Variants in SPDYE21 observed in about 807,000 individuals in gnomAD.
SPDYE21 encodes speedy protein E21.
In SPDYE21, 14 loss-of-function variants were observed where a neutral mutation model predicts 36.2. The ratio of observed to expected loss-of-function variants is 0.39; its 90% CI spans 0.26 to 0.61. The LOEUF is 0.61. SPDYE21 is among the 20% of genes least tolerant of loss of function. The pLI, the probability that SPDYE21 is intolerant of heterozygous loss-of-function variation, is 0.55. For missense variants in SPDYE21, 233 were observed against 424.6 expected (o/e 0.55, Z 3.97); for synonymous variants, 58 against 155.1 (o/e 0.37, Z 4.65).
At chr7:67,278,977 C>T (rs4718511) in intron 2 of SPDYE21, among the ~76,000 whole-genome samples, 104 bp downstream of exon 2, 906 of 117,864 alleles carry the variant, frequency 7.7e-3, no homozygotes, top group South Asian at 0.013. Context: ...TTTGGGAGGC[C>T]GAGGCGGGCG....
chr7:67,277,455 G>A (rs1339268440), intron 1 of SPDYE21, among the ~76,000 whole-genome samples: 2 of 151,912 alleles, frequency 1.3e-5, no homozygotes, highest in African/African-American at 4.8e-5. Context: ...TTGCTGTGTT[G>A]CCCAGACTGG....
At chr7:67,279,733 A>G in intron 2 of SPDYE21, 85 bp from the exon 3 acceptor site, 1 of 1,592,468 alleles carries the variant, frequency 6.3e-7, no homozygotes, top group Non-Finnish European at 8.5e-7. Flanking sequence ...GCTGGGGAGG[A>G]TGGAGAGTGG....
At position 67,288,976 on chromosome 7, in the gene SPDYE21, G is replaced by T. The variant is rs1181066493; in HGVS notation, c.*1504G>T. ...TCTCTTGGGGAAACATAATAAAAAT[G>T]AACTTTTCTCACCTTCACAGCAATT... On this transcript the variant is annotated 3_prime_UTR_variant, in exon 9 of 9. Coordinates refer to ENST00000424157, the MANE Select transcript of SPDYE21 (RefSeq NM_001382715.2). 2.9e-5 allele frequency among the ~76,000 whole-genome samples: 4 copies of T among 139,434 alleles called. No individual in the cohort carries two copies. Among genetic ancestry groups the T allele is most frequent in the African/African-American group, 8.2e-5 (3 of 36,778 alleles). The allele number at this position is 139,434 out of a possible 152,430, so 91.5% of individuals were successfully genotyped here.
rs1052877436 is a variant in SPDYE21 at position 67,288,822 on chromosome 7, T to G, written c.*1350T>G. ...AAATTTTTATTTGATATTTCATATATATTTGAAATGTGAGAATTCAGATGT... is the reference window on the plus strand; with the variant it reads ...AAATTTTTATTTGATATTTCATATAGATTTGAAATGTGAGAATTCAGATGT... On this transcript the variant is annotated 3_prime_UTR_variant, in exon 9 of 9. Transcript: ENST00000424157. 1.3e-5 allele frequency among the ~76,000 whole-genome samples: 2 copies of G among 150,334 alleles called. No individual in the cohort carries two copies. The highest frequency in any genetic ancestry group is 6.7e-5 in the Admixed American group (1 of 14,866).
rs1802601181 is a variant in SPDYE21, at chr7:67,279,845, G to A, written c.188G>A (p.Cys63Tyr). ...CCTGGGGTAGATCCCAGCCCCCCATGTAGGTCCCTTGGCTGGAAAAGGAAG... is the reference window on the plus strand; with the variant it reads ...CCTGGGGTAGATCCCAGCCCCCCATATAGGTCCCTTGGCTGGAAAAGGAAG... ...SAPGVDPSPP[C>Y]RSLGWKRKKE... The change falls in exon 3 of 9, where the codon TGT (cysteine) becomes TAT (tyrosine). Residue 63 changes from cysteine to tyrosine, a missense_variant. This residue lies in a region of SPDYE21 where 68 missense variants were observed against 87.6 expected (regional missense o/e 0.78). Coordinates refer to ENST00000424157, the MANE Select transcript of SPDYE21 (RefSeq NM_001382715.2). The A allele has an allele frequency of 4.4e-6, 7 of 1,593,602 alleles. No individual in the cohort carries two copies. The South Asian group carries it at 7.7e-5, about 18-fold the overall frequency.
intron 2 of SPDYE21, 117 bp from the exon 3 acceptor site, chr7:67,279,701 A>G (rs1464046544): frequency 1.1e-5 from 18 of 1,592,472 alleles, no homozygotes; most frequent in Non-Finnish European, 1.4e-5. Flanking sequence ...CAGATGGCTT[A>G]GAGAAGCCAG....
chr7:67,284,251 C>T (rs1802689463), intron 6 of SPDYE21, among the ~76,000 whole-genome samples: 1 of 150,690 alleles, frequency 6.6e-6, no homozygotes. Context: ...CAGTTCGAGA[C>T]CAGCCTGGCC....
At chr7:67,282,950 C>T (rs1802667337) in intron 5 of SPDYE21, among the ~76,000 whole-genome samples, 1 of 129,750 alleles carries the variant, frequency 7.7e-6, no homozygotes, top group Non-Finnish European at 1.6e-5. Context: ...GGATTACAGA[C>T]ATGAACCACC....
In SPDYE21 at chr7:67,283,946, C is replaced by T. The variant is rs1802684473; in HGVS notation, c.703C>T (p.Arg235Trp). ...LLAMVIVYFS[R>W]AGLPSWQYQR... ...GGCTATGGTCATAGTGTATTTCAGC[C>T]GGGCCGGCCTCCCCTCCTGGCAATA... Residue 235 changes from arginine (R) to tryptophan (W), a missense_variant, in exon 6 of 9, where the codon CGG (arginine) becomes TGG (tryptophan). Transcript: ENST00000424157. 9 of 1,594,804 alleles carry T rather than the reference C, an allele frequency of 5.6e-6. 1 individual carries two copies. Among genetic ancestry groups the T allele is most frequent in the African/African-American group, 5.4e-5 (4 of 74,358 alleles).
intron 3 of SPDYE21, 136 bp downstream of exon 3, chr7:67,280,172 T>G: frequency 6.8e-7 from 1 of 1,480,692 alleles, no homozygotes. Flanking sequence ...TCAGAAGTGA[T>G]CACTCATGAG....
chr7:67,287,470 C>T (rs1267237309), intron 8 of SPDYE21, among the ~76,000 whole-genome samples, 48 bp from the exon 9 acceptor site: 1 of 152,198 alleles, frequency 6.6e-6, no homozygotes, highest in East Asian at 1.9e-4. Flanking sequence ...ACCTTCCTGT[C>T]TAGAGAGCTG....
At chr7:67,285,993 G>A (rs2116514406) in intron 6 of SPDYE21, 51 bp from the exon 7 acceptor site, 2 of 1,612,088 alleles carry the variant, frequency 1.2e-6, no homozygotes, top group Non-Finnish European at 1.7e-6. Context: ...ACCTCAGCCG[G>A]AGGCCTCTCC....
chr7:67,285,385 T>G (rs1460712449), intron 6 of SPDYE21, among the ~76,000 whole-genome samples: 1 of 99,888 alleles, frequency 1.0e-5, no homozygotes, highest in African/African-American at 3.8e-5. Flanking sequence ...CTGGACAGTT[T>G]GTTTGTTTGT....
In SPDYE21 at chr7:67,286,633, G is replaced by A. The variant is rs970246114; in HGVS notation, c.*14G>A. ...CACCTTTCCTAGAGCTCCAGGGACC[G>A]TGGAGGCCTGAGGTCATCGGCCTGA... is the stretch of plus-strand genomic sequence containing the variant. On this transcript the variant is annotated 3_prime_UTR_variant, in exon 8 of 9. Transcript: ENST00000424157. Among the ~76,000 whole-genome samples the A allele has an allele frequency of 7.9e-5, 12 of 152,174 alleles. No individual in the cohort carries two copies. Among genetic ancestry groups the A allele is most frequent in the African/African-American group, 2.6e-4 (11 of 41,538 alleles).
intron 2 of SPDYE21, among the ~76,000 whole-genome samples, chr7:67,279,598 G>C (rs760337357): frequency 6.6e-6 from 1 of 152,130 alleles, no homozygotes; most frequent in Non-Finnish European, 1.5e-5. Context: ...AGGGACCAGG[G>C]AAGGACATGA....
In SPDYE21 at chr7:67,282,122, G is replaced by T. The variant is rs530905228; in HGVS notation, c.611-513G>T. On this transcript the variant is annotated intron_variant, in intron 4 of 8. Transcript: ENST00000424157. ...CATTCCAGCCTGGCCCACAGAGCAA[G>T]ACTCTGTCTCAAAATAAATTAATAA... is the stretch of plus-strand genomic sequence containing the variant. Among the ~76,000 whole-genome samples, 3 of 152,282 alleles carry T rather than the reference G, an allele frequency of 2.0e-5. No individual in the cohort carries two copies. The East Asian group carries it at 5.8e-4, about 29-fold the overall frequency.
Position 67,283,948 on chromosome 7 carries a change from G to T in SPDYE21, c.705G>T (p.Arg235=). 6.3e-7 allele frequency: 1 copy of T among 1,597,616 alleles called. No individual in the cohort carries two copies. Among genetic ancestry groups the T allele is most frequent in the Non-Finnish European group, 8.6e-7 (1 of 1,167,158 alleles). ...LLAMVIVYFS[R]AGLPSWQYQR... is the part of the protein sequence containing the mutation. ...CTATGGTCATAGTGTATTTCAGCCGGGCCGGCCTCCCCTCCTGGCAATACC... is the reference window on the plus strand; with the variant it reads ...CTATGGTCATAGTGTATTTCAGCCGTGCCGGCCTCCCCTCCTGGCAATACC... Residue 235 remains arginine, a synonymous_variant, in exon 6 of 9, where the codon CGG becomes CGT. Transcript: ENST00000424157.
intron 2 of SPDYE21, among the ~76,000 whole-genome samples, chr7:67,279,464 G>T (rs1292654305): frequency 4.6e-5 from 7 of 151,048 alleles, no homozygotes; most frequent in African/African-American, 1.7e-4. Context: ...TGAGGCAGAA[G>T]AATAAATGGA....
intron 3 of SPDYE21, among the ~76,000 whole-genome samples, 168 bp downstream of exon 3, chr7:67,280,204 G>A (rs929685908): frequency 4.6e-5 from 7 of 152,022 alleles, no homozygotes; most frequent in South Asian, 2.1e-4. Flanking sequence ...AGACGATAGA[G>A]GACTAGGCTA....
Sources: gnomAD v4.1 joint callset for allele counts (sites outside exome capture counted in the v4.1 genomes callset) on GRCh38, gnomAD v4.1.1 for gene constraint, gnomAD v4.1.1 regional missense constraint, MANE v1.5 for transcripts, NCBI Gene and HGNC (gene_info 2026-07-23, HGNC 2026-07-21) for gene names.